Variants in ST8SIA6 observed in about 807,000 individuals in gnomAD.
The protein encoded by ST8SIA6 is alpha-2,8-sialyltransferase 8F.
Under a neutral mutation model 33.6 loss-of-function variants are expected in ST8SIA6, and 39 were observed. The ratio of observed to expected loss-of-function variants is 1.16; its 90% CI spans 0.90 to 1.52. The LOEUF is 1.52. Among genes scored for constraint, ST8SIA6 ranks in the 40% most tolerant of loss-of-function variants. The pLI is 0.00. For missense variants in ST8SIA6, 441 were observed against 443.8 expected (o/e 0.99, Z 0.06); for synonymous variants, 172 against 167.2 (o/e 1.03, Z -0.22).
rs545664097 is a variant in ST8SIA6, at chr10:17,350,646, C to T, written c.377+8868G>A. Among the ~76,000 whole-genome samples, 38 of 144,662 alleles carry T rather than the reference C, an allele frequency of 2.6e-4. No homozygotes were observed. The East Asian group carries it at 9.2e-3, about 35-fold the overall frequency. 94.9% of individuals were successfully genotyped at this position (144,662 alleles called of 152,430 possible). The stretch of plus-strand genomic sequence containing the variant: ...AAAATTAAGAGCTTCAAATAGACAC[C>T]ACCTTTTTTTTTTTTAGCAACACTT... On this transcript the variant is annotated intron_variant, in intron 4 of 7. Transcript: ENST00000377602.
At chr10:17,337,533 A>T (rs1473712755) in intron 4 of ST8SIA6, among the ~76,000 whole-genome samples, 1 of 152,196 alleles carries the variant, frequency 6.6e-6, no homozygotes, top group East Asian at 1.9e-4. Context: ...GTCACAGGCT[A>T]AGGGGACTTT....
intron 4 of ST8SIA6, among the ~76,000 whole-genome samples, chr10:17,338,646 A>G (rs537492731): frequency 6.6e-6 from 1 of 152,350 alleles, no homozygotes; most frequent in Admixed American, 6.5e-5. Flanking sequence ...AAGCCTGTAT[A>G]ACTGAGACAT....
intron 5 of ST8SIA6, among the ~76,000 whole-genome samples, chr10:17,330,644 T>A (rs1470400322): frequency 6.6e-6 from 1 of 152,190 alleles, no homozygotes; most frequent in Admixed American, 6.5e-5. Context: ...ATCCTACAGT[T>A]AGTATACTGC....
At chr10:17,377,380 CTTCACATGG>C (rs1265412390) in intron 3 of ST8SIA6, among the ~76,000 whole-genome samples, 3 of 152,314 alleles carry the variant, frequency 2.0e-5, no homozygotes, top group African/African-American at 7.2e-5. Flanking sequence ...TTGGTGGTCT[CTTCACATGG>C]ACACGCCTAA....
rs1340778915 is a variant in ST8SIA6 at position 17,454,158 on chromosome 10, G to A, written c.98C>T (p.Ala33Val). 1 of 276,530 alleles carries A rather than the reference G, an allele frequency of 3.6e-6. No individual in the cohort carries two copies. The highest frequency in any genetic ancestry group is 6.7e-6 in the Non-Finnish European group (1 of 150,348). The allele number at this position is 276,530 out of a possible 1,614,324, so 17.1% of individuals were successfully genotyped here. Residue 33 changes from alanine to valine, a missense_variant, in exon 1 of 8, where the codon GCC becomes GTC. Coordinates refer to ENST00000377602, the MANE Select transcript of ST8SIA6 (RefSeq NM_001004470.3). This position sits in a 1 kb window ranked among gnomAD's most constrained non-coding sequence, Gnocchi z 4.1. ...GGCCGGCGGGTGGGTGGGTTACCTG[G>A]CGCGGCCGGGCGCGTCTGCCGGGCA... ...LWCPADAPGRARILVEESREA... is the reference protein window; with the variant it reads ...LWCPADAPGRVRILVEESREA...
rs1848240413 is a variant in ST8SIA6 at position 17,329,793 on chromosome 10, TTAAA to T, written c.522+1611_522+1614del. 2.0e-5 allele frequency among the ~76,000 whole-genome samples: 3 copies of T among 152,334 alleles called. No individual in the cohort carries two copies. The South Asian group carries it at 6.2e-4, about 32-fold the overall frequency. On this transcript the variant is annotated intron_variant, in intron 5 of 7. Transcript: ENST00000377602. ...ATAAATTACAAATCTCAACGTTTCC[TTAAA>T]TAAACCTCCTGAGAAAATGCAAATG...
At chr10:17,437,425 G>T (rs1353786414) in intron 2 of ST8SIA6, among the ~76,000 whole-genome samples, 1 of 152,144 alleles carries the variant, frequency 6.6e-6, no homozygotes, top group Non-Finnish European at 1.5e-5. Flanking sequence ...TCTTGGCTTG[G>T]CCTCCCAAAG....
At chr10:17,411,450 T>G (rs574152742) in intron 2 of ST8SIA6, among the ~76,000 whole-genome samples, 1 of 152,270 alleles carries the variant, frequency 6.6e-6, no homozygotes, top group African/African-American at 2.4e-5. Context: ...CCCAAAGTGC[T>G]GGGATTACAG....
At chr10:17,326,026 C>T (rs536477918) in intron 6 of ST8SIA6, among the ~76,000 whole-genome samples, 2 of 152,080 alleles carry the variant, frequency 1.3e-5, no homozygotes, top group Non-Finnish European at 2.9e-5. Flanking sequence ...GATACTTGAA[C>T]AAAATGTGTA....
At position 17,374,743 on chromosome 10, in the gene ST8SIA6, TA is replaced by T. The variant is rs1407078648; in HGVS notation, c.291-15144del. 1.7e-3 allele frequency among the ~76,000 whole-genome samples: 120 copies of T among 69,848 alleles called. 2 individuals are homozygous for T. The highest frequency in any genetic ancestry group is 5.7e-3 in the African/African-American group (114 of 19,986). The allele number at this position is 69,848 out of a possible 152,430, so 45.8% of individuals were successfully genotyped here. A position where few individuals can be genotyped will look rare whatever the true frequency, so the allele number is the denominator to read the frequency against. On this transcript the variant is annotated intron_variant, in intron 3 of 7. Coordinates refer to ENST00000377602, the MANE Select transcript of ST8SIA6 (RefSeq NM_001004470.3). ...ATAAATAAATAAATAAATAAATAAA[TA>T]AATAATAAATATATATATATATATT... is the stretch of plus-strand genomic sequence containing the variant.
intron 4 of ST8SIA6, among the ~76,000 whole-genome samples, chr10:17,345,726 G>A (rs1000879956): frequency 1.3e-5 from 2 of 152,140 alleles, no homozygotes; most frequent in Non-Finnish European, 2.9e-5. Context: ...AGAGGGCAAA[G>A]CATTGAAGGG....
At chr10:17,324,820 T>C (rs185457238) in intron 6 of ST8SIA6, among the ~76,000 whole-genome samples, 1 of 147,022 alleles carries the variant, frequency 6.8e-6, no homozygotes, top group East Asian at 2.0e-4. Flanking sequence ...CATGCATACA[T>C]ATTATAGATT....
chr10:17,320,878 T>A lies in ST8SIA6; in HGVS notation c.1197A>T (p.Ter399TyrextTer12), dbSNP rs776501113. 1.2e-6 allele frequency: 2 copies of A among 1,613,346 alleles called. No homozygotes were observed. Among genetic ancestry groups the A allele is most frequent in the Non-Finnish European group, 1.7e-6 (2 of 1,179,506 alleles). Residue 399 changes from the stop codon to tyrosine (Y), a stop_lost, in exon 8 of 8, where the codon TAA (stop) becomes TAT (tyrosine). Coordinates refer to ENST00000377602, the MANE Select transcript of ST8SIA6 (RefSeq NM_001004470.3). ...KLQFSKCEVA[*>Y] is the part of the protein sequence containing the mutation. ...TTATTCCCATTTTAAGATACTTTGT[T>A]TAGGCGACTTCACATTTGCTAAATT...
At chr10:17,340,324 C>G (rs1163350800) in intron 4 of ST8SIA6, among the ~76,000 whole-genome samples, 2 of 149,714 alleles carry the variant, frequency 1.3e-5, no homozygotes, top group Non-Finnish European at 2.9e-5. Context: ...CCCCTGGTCA[C>G]CTGCTCCATC....
chr10:17,348,407 C>G (rs1432726489), intron 4 of ST8SIA6, among the ~76,000 whole-genome samples: 1 of 152,022 alleles, frequency 6.6e-6, no homozygotes. Context: ...ATGCCACTGT[C>G]TTTTATAAAA....
At chr10:17,412,132 T>G (rs1851472306) in intron 2 of ST8SIA6, among the ~76,000 whole-genome samples, 1 of 152,076 alleles carries the variant, frequency 6.6e-6, no homozygotes, top group Admixed American at 6.6e-5. Context: ...AGCTTTCACC[T>G]TTGGGGATCC....
In ST8SIA6 at chr10:17,318,591, G is replaced by A. The variant is rs1485318895; in HGVS notation, c.*2287C>T. On this transcript the variant is annotated 3_prime_UTR_variant, in exon 8 of 8. Coordinates refer to ENST00000377602, the MANE Select transcript of ST8SIA6 (RefSeq NM_001004470.3). ...GCCCTTAGATGTACTTGAGTTTTAA[G>A]AGCAGAAGATCACATTAGATCTAAC... 6.8e-6 allele frequency: 3 copies of A among 444,016 alleles called. No homozygotes were observed. The highest frequency in any genetic ancestry group is 5.1e-5 in the South Asian group (3 of 58,740). 27.5% of individuals were successfully genotyped at this position (444,016 alleles called of 1,614,324 possible).
chr10:17,448,782 ATT>A (rs753562099), intron 2 of ST8SIA6, among the ~76,000 whole-genome samples: 2,545 of 123,484 alleles, frequency 0.021, 72 homozygotes, highest in African/African-American at 0.072. Flanking sequence ...CGCCAGGCTA[ATT>A]TTTTTTTTTT....
intron 3 of ST8SIA6, among the ~76,000 whole-genome samples, chr10:17,380,994 T>C (rs756765861): frequency 2.6e-5 from 4 of 151,654 alleles, no homozygotes; most frequent in Non-Finnish European, 4.4e-5. Context: ...GTTTTTTTTG[T>C]TTTTCTCTCC....
Sources: allele counts gnomAD v4.1 joint callset (sites outside exome capture counted in the v4.1 genomes callset), GRCh38; gene constraint gnomAD v4.1.1; non-coding constraint Gnocchi (gnomAD v3.1); transcripts MANE v1.5; gene names NCBI Gene and HGNC (gene_info 2026-07-23, HGNC 2026-07-21).